The following USP13 variants were observed in gnomAD, a reference collection of about 807,000 sequenced individuals.
USP13 encodes the protein ubiquitin carboxyl-terminal hydrolase 13.
USP13 carries 68 observed loss-of-function variants against 107.8 expected under a neutral mutation model. That is an observed-to-expected ratio of 0.63 (90% CI 0.52 to 0.77). The LOEUF is 0.77. Ranked by LOEUF, USP13 falls within the 30% of genes least tolerant of loss-of-function variation. The pLI is 0.00. For missense variants in USP13, 945 were observed against 1,093.3 expected, an observed-to-expected ratio of 0.86 and a Z score of 1.91; for synonymous variants, 377 against 389.5, an observed-to-expected ratio of 0.97 and a Z score of 0.38.
intron 1 of USP13, among the ~76,000 whole-genome samples, chr3:179,675,103 AG>A (rs1270388638): frequency 6.6e-6 from 1 of 151,516 alleles, no homozygotes; most frequent in Non-Finnish European, 1.5e-5. Context: ...TGAACCCGGG[AG>A]GTGGAGTTTG....
In USP13 at chr3:179,754,752, G is replaced by C; in HGVS notation, c.1819G>C (p.Asp607His). 6.2e-7 allele frequency: 1 copy of C among 1,613,436 alleles called. No individual in the cohort carries two copies. The highest frequency in any genetic ancestry group is 1.1e-5 in the South Asian group (1 of 90,870). Reference protein sequence around the residue: ...KKFDVSIDMPDLLDINHLRAR... With the variant: ...KKFDVSIDMPHLLDINHLRAR... ...TGCAGATGTTTCTATTGATATGCCA[G>C]ACCTACTTGATATCAACCATCTCCG... is the stretch of plus-strand genomic sequence containing the variant. Residue 607 changes from aspartate (D) to histidine (H), a missense_variant, in exon 15 of 21, where the codon GAC (aspartate) becomes CAC (histidine). Physicochemically the swap from Asp to His is moderately conservative, Grantham distance 81. Coordinates refer to ENST00000263966, the MANE Select transcript of USP13 (RefSeq NM_003940.3).
At chr3:179,698,627 G>A (rs1001860287) in intron 3 of USP13, among the ~76,000 whole-genome samples, 2 of 151,520 alleles carry the variant, frequency 1.3e-5, no homozygotes, top group Non-Finnish European at 2.9e-5. Context: ...CAAGATTTAT[G>A]CCCTGGTTAC....
chr3:179,770,555 C>T (rs1463556536), intron 19 of USP13, among the ~76,000 whole-genome samples: 2 of 151,828 alleles, frequency 1.3e-5, no homozygotes, highest in African/African-American at 2.4e-5. Flanking sequence ...ATTCCCAAGT[C>T]ATTTCTTTTT....
chr3:179,681,393 C>G (rs915828215), intron 1 of USP13, among the ~76,000 whole-genome samples: 4 of 151,846 alleles, frequency 2.6e-5, no homozygotes, highest in African/African-American at 9.7e-5. Context: ...GGGATTTTAG[C>G]TGAAGCAATT....
At chr3:179,676,217 G>A (rs1720888413) in intron 1 of USP13, among the ~76,000 whole-genome samples, 1 of 152,168 alleles carries the variant, frequency 6.6e-6, no homozygotes, top group African/African-American at 2.4e-5. Context: ...GCGGAACTGT[G>A]AGTCAGTTAA....
chr3:179,708,825 A>G lies in USP13; in HGVS notation c.673A>G (p.Thr225Ala), dbSNP rs1223358367. Residue 225 changes from threonine to alanine, a missense_variant, in exon 6 of 21, where the codon ACT becomes GCT. Transcript: ENST00000263966. ...GCGAGAAAACCTCTGGTTGAATCTG[A>G]CTGACGGCTCTGTCCTGTGTGGAAA... Reference protein sequence around the residue: ...DLRENLWLNLTDGSVLCGKWF... With the variant: ...DLRENLWLNLADGSVLCGKWF... 2 of 1,613,988 alleles carry G rather than the reference A, an allele frequency of 1.2e-6. No homozygotes were observed. The highest frequency in any genetic ancestry group is 2.7e-5 in the African/African-American group (2 of 74,874).
At chr3:179,754,928 A>C in intron 15 of USP13, 74 bp downstream of exon 15, 1 of 1,491,012 alleles carries the variant, frequency 6.7e-7, no homozygotes, top group Non-Finnish European at 9.0e-7. Flanking sequence ...TTCTTCCACC[A>C]CTGTGTTGCT....
intron 1 of USP13, among the ~76,000 whole-genome samples, chr3:179,665,379 A>C (rs1016033664): frequency 6.6e-6 from 1 of 152,220 alleles, no homozygotes; most frequent in Non-Finnish European, 1.5e-5. Context: ...AGGCACTTTT[A>C]TGTACGTCAT....
At position 179,730,228 on chromosome 3, in the gene USP13, T is replaced by C; in HGVS notation, c.1128T>C (p.Pro376=). 1 of 1,613,386 alleles carries C rather than the reference T, an allele frequency of 6.2e-7. No homozygotes were observed. The highest frequency in any genetic ancestry group is 8.5e-7 in the Non-Finnish European group (1 of 1,179,836). The change falls in exon 9 of 21, where the codon CCT becomes CCC. Residue 376 remains proline, a synonymous_variant. Coordinates refer to ENST00000263966, the MANE Select transcript of USP13 (RefSeq NM_003940.3). The part of the protein sequence containing the change: ...GNLPRIFDYS[P]LDPTQDFNTQ... ...TTCCCAGAATATTTGACTACTCGCCTTTAGATCCAACACAAGATTTCAACA... is the reference window on the plus strand; with the variant it reads ...TTCCCAGAATATTTGACTACTCGCCCTTAGATCCAACACAAGATTTCAACA...
At chr3:179,780,164 C>T (rs2108555985) in intron 19 of USP13, among the ~76,000 whole-genome samples, 1 of 152,326 alleles carries the variant, frequency 6.6e-6, no homozygotes, top group East Asian at 1.9e-4. Context: ...CTCCTAAGAT[C>T]AGGAAGAAGA....
chr3:179,662,195 T>C (rs1720475264), intron 1 of USP13, among the ~76,000 whole-genome samples: 1 of 152,174 alleles, frequency 6.6e-6, no homozygotes, highest in Non-Finnish European at 1.5e-5. Flanking sequence ...CCTCTATTCT[T>C]AACTAAGCTC....
chr3:179,705,009 G>T (rs11918784), intron 4 of USP13, among the ~76,000 whole-genome samples: 3,174 of 152,262 alleles, frequency 0.021, 120 homozygotes, highest in African/African-American at 0.073. Context: ...TAGAGGGAAG[G>T]CCACGATAAG....
intron 6 of USP13, among the ~76,000 whole-genome samples, chr3:179,712,979 ATTTC>A (rs775663194): frequency 1.3e-4 from 19 of 151,954 alleles, no homozygotes; most frequent in Admixed American, 1.2e-3. Flanking sequence ...TTTTTTGTGA[ATTTC>A]TTAGGCCAAT....
chr3:179,701,914 T>C (rs1712539057), intron 4 of USP13, among the ~76,000 whole-genome samples: 2 of 152,180 alleles, frequency 1.3e-5, no homozygotes, highest in Non-Finnish European at 2.9e-5. Flanking sequence ...GGGCGCAGAG[T>C]TCCTGTGGGG....
At chr3:179,769,185 T>C (rs1715272160) in intron 19 of USP13, among the ~76,000 whole-genome samples, 1 of 152,154 alleles carries the variant, frequency 6.6e-6, no homozygotes, top group Non-Finnish European at 1.5e-5. Context: ...GATTAACATG[T>C]GATGAGGCTA....
At chr3:179,753,435 G>GA (rs1714680450) in intron 14 of USP13, among the ~76,000 whole-genome samples, 1 of 152,318 alleles carries the variant, frequency 6.6e-6, no homozygotes, top group East Asian at 1.9e-4. Flanking sequence ...GCACCTGAGA[G>GA]AAAAAACTTT....
At chr3:179,730,066 C>A in intron 8 of USP13, 123 bp from the exon 9 acceptor site, 1 of 852,484 alleles carries the variant, frequency 1.2e-6, no homozygotes, top group Non-Finnish European at 1.9e-6. Flanking sequence ...AAAAACTTTT[C>A]TTCAGGTAGA....
At chr3:179,693,914 G>C (rs899663774) in intron 3 of USP13, among the ~76,000 whole-genome samples, 2 of 150,654 alleles carry the variant, frequency 1.3e-5, no homozygotes, top group African/African-American at 2.4e-5. Context: ...CCTGACCTCA[G>C]GTGGTCTGCC....
intron 7 of USP13, among the ~76,000 whole-genome samples, chr3:179,720,397 C>T (rs1273280260): frequency 6.6e-6 from 1 of 152,150 alleles, no homozygotes; most frequent in Non-Finnish European, 1.5e-5. Context: ...ACCAACATCA[C>T]TTTCATTAAT....
Sources: allele counts gnomAD v4.1 joint callset (sites outside exome capture counted in the v4.1 genomes callset), GRCh38; gene constraint gnomAD v4.1.1; transcripts MANE v1.5; gene names NCBI Gene and HGNC (gene_info 2026-07-23, HGNC 2026-07-21).